CPXM2: variants seen among roughly 807,000 people sequenced by gnomAD.
The protein encoded by CPXM2 is inactive carboxypeptidase-like protein X2.
CPXM2 carries 66 observed loss-of-function variants against 86.1 expected under a neutral mutation model. The ratio of observed to expected loss-of-function variants is 0.77; its 90% CI spans 0.63 to 0.94. CPXM2 has a LOEUF of 0.94. Ranked by LOEUF, CPXM2 falls within the 40% of genes least tolerant of loss-of-function variation. The probability of loss-of-function intolerance (pLI) is 0.00; values close to 1 mark genes in which losing one functional copy is unlikely to be tolerated. For missense variants in CPXM2, 948 were observed against 1,026.3 expected, an observed-to-expected ratio of 0.92 and a Z score of 1.04; for synonymous variants, 388 against 400.2, an observed-to-expected ratio of 0.97 and a Z score of 0.36.
At chr10:123,857,611 TGG>T in intron 3 of CPXM2, among the ~76,000 whole-genome samples, 2 of 135,456 alleles carry the variant, frequency 1.5e-5, no homozygotes, top group South Asian at 5.5e-4. Flanking sequence ...GAAGGCGGCG[TGG>T]AGATGGAAGG....
chr10:123,911,126 T>C (rs1469577249), intron 2 of CPXM2, among the ~76,000 whole-genome samples: 2 of 152,230 alleles, frequency 1.3e-5, no homozygotes. Context: ...GTCACATTCA[T>C]AGATACTGGG....
intron 6 of CPXM2, among the ~76,000 whole-genome samples, chr10:123,780,873 A>G (rs73364738): frequency 0.041 from 6,298 of 152,260 alleles, 406 homozygotes; most frequent in African/African-American, 0.14. Flanking sequence ...TCTACTGGCC[A>G]CTGTAATTGA....
At chr10:123,884,714 ATCTC>A (rs147600222) in intron 1 of CPXM2, among the ~76,000 whole-genome samples, 2 of 151,838 alleles carry the variant, frequency 1.3e-5, no homozygotes, top group African/African-American at 4.8e-5. Context: ...CCCATGGCCC[ATCTC>A]TCTCTCTCTC....
chr10:123,830,350 T>C (rs1848138070), intron 4 of CPXM2, among the ~76,000 whole-genome samples: 1 of 152,192 alleles, frequency 6.6e-6, no homozygotes, highest in Admixed American at 6.5e-5. Context: ...CCTTGCTGGT[T>C]AGACCTTCTC....
chr10:123,887,290 T>C (rs1945193192), intron 1 of CPXM2: 1 of 152,122 alleles, frequency 6.6e-6, no homozygotes, highest in Non-Finnish European at 1.5e-5. Flanking sequence ...AATTCTCGGA[T>C]GGATGAGTGT....
chr10:123,799,539 C>T (rs1847407561), intron 4 of CPXM2, among the ~76,000 whole-genome samples: 1 of 152,240 alleles, frequency 6.6e-6, no homozygotes, highest in Non-Finnish European at 1.5e-5. Flanking sequence ...GTGTACGTAA[C>T]TGTTTGCACT....
chr10:123,799,147 A>G lies in CPXM2; in HGVS notation c.706T>C (p.Trp236Arg), dbSNP rs774146335. The G allele has an allele frequency of 1.2e-6, 2 of 1,614,196 alleles. No homozygotes were observed. The highest frequency in any genetic ancestry group is 2.2e-5 in the South Asian group (2 of 91,084). Residue 236 changes from tryptophan (W) to arginine (R), a missense_variant, in exon 5 of 14, where the codon TGG becomes CGG. Trp to Arg is a moderately radical substitution (Grantham distance 101). Transcript: ENST00000241305. ...CCAGATCCATTCTTAACAGTGACCC[A>G]CGTGTGGCTGTCATTGCTCACCATG... The part of the protein sequence containing the change: ...KVMVSNDSHT[W>R]VTVKNGSGDM...
rs1310223043 is a variant in CPXM2, at chr10:123,746,904, C to T, written c.2131G>A (p.Ala711Thr). 2.5e-6 allele frequency: 4 copies of T among 1,614,038 alleles called. No individual in the cohort carries two copies. Among genetic ancestry groups the T allele is most frequent in the Non-Finnish European group, 3.4e-6 (4 of 1,180,032 alleles). ...KNCMVGYDMG[A>T]TRCDFTLSKT... ...CTAAGTGTGAAGTCACACCTTGTGGCCCCCATGTCATAGCCAACCATACAG... is the reference window on the plus strand; with the variant it reads ...CTAAGTGTGAAGTCACACCTTGTGGTCCCCATGTCATAGCCAACCATACAG... Residue 711 changes from alanine to threonine, a missense_variant, in exon 14 of 14, where the codon GCC becomes ACC. Transcript: ENST00000241305.
intron 4 of CPXM2, among the ~76,000 whole-genome samples, chr10:123,838,379 G>A (rs1444591998): frequency 6.6e-6 from 1 of 152,146 alleles, no homozygotes; most frequent in Non-Finnish European, 1.5e-5. Context: ...ACTTGAACCT[G>A]GGAGGTGGAG....
Position 123,862,707 on chromosome 10 carries a change from A to G in CPXM2, c.420T>C (p.Gly140=). 6.3e-7 allele frequency: 1 copy of G among 1,596,414 alleles called. No individual in the cohort carries two copies. Among genetic ancestry groups the G allele is most frequent in the Non-Finnish European group, 8.5e-7 (1 of 1,175,772 alleles). ...EDVRESCPPL[G]LETLKITDFQ... ...AGTCTGTGATTTTTAAGGTTTCCAG[A>G]CCAAGAGGTGGGCAACCTGGAAAGG... Residue 140 remains glycine (G), a synonymous_variant, in exon 3 of 14, where the codon GGT becomes GGC. Transcript: ENST00000241305.
chr10:123,754,158 T>C lies in CPXM2; in HGVS notation c.2017+505A>G, dbSNP rs555258670. Among the ~76,000 whole-genome samples the C allele has an allele frequency of 1.3e-5, 2 of 152,314 alleles. No homozygotes were observed. The highest frequency in any genetic ancestry group is 1.9e-4 in the East Asian group (1 of 5,188). ...ATTTCCTGTGCTTTAATGGAAAAAG[T>C]GCATCCTCTCTGGCCAGTCCCAACC... On this transcript the variant is annotated intron_variant, in intron 13 of 13. Coordinates refer to ENST00000241305, the MANE Select transcript of CPXM2 (RefSeq NM_198148.3). The surrounding 1 kb of genome is among the most constrained non-coding windows in gnomAD (Gnocchi z 4.0).
intron 3 of CPXM2, among the ~76,000 whole-genome samples, chr10:123,850,105 C>G (rs139970751): frequency 4.1e-4 from 63 of 152,276 alleles, no homozygotes; most frequent in African/African-American, 1.4e-3. Context: ...CAATTGCATG[C>G]AGTAGTAATT....
chr10:123,836,940 T>C (rs1310611752), intron 4 of CPXM2, among the ~76,000 whole-genome samples: 1 of 144,928 alleles, frequency 6.9e-6, no homozygotes, highest in Non-Finnish European at 1.5e-5. Flanking sequence ...GGTGAGCCCC[T>C]GTCCCAGAGT....
chr10:123,820,841 C>CATGT (rs1847910432), intron 4 of CPXM2, among the ~76,000 whole-genome samples: 1 of 152,212 alleles, frequency 6.6e-6, no homozygotes, highest in Non-Finnish European at 1.5e-5. Flanking sequence ...CCTTTTAACC[C>CATGT]ATGTGATGAG....
chr10:123,862,268 G>A (rs1026388673), intron 3 of CPXM2, among the ~76,000 whole-genome samples: 1 of 152,202 alleles, frequency 6.6e-6, no homozygotes, highest in Non-Finnish European at 1.5e-5. Flanking sequence ...CCACTGCCTC[G>A]TGTGCCACGG....
intron 2 of CPXM2, among the ~76,000 whole-genome samples, chr10:123,923,535 C>T (rs898524168): frequency 6.0e-5 from 9 of 150,520 alleles, no homozygotes; most frequent in East Asian, 2.0e-4. Context: ...GAGCCGAGAT[C>T]GCGCCACTGC....
At chr10:123,757,445 A>G (rs2133979935) in intron 11 of CPXM2, 93 bp from the exon 12 acceptor site, 1 of 1,077,964 alleles carries the variant, frequency 9.3e-7, no homozygotes, top group East Asian at 2.4e-5. Context: ...GTTTAAGAAC[A>G]TTCGGAAGGC....
At chr10:123,908,296 A>T (rs1945460714) in intron 2 of CPXM2, among the ~76,000 whole-genome samples, 1 of 152,120 alleles carries the variant, frequency 6.6e-6, no homozygotes, top group Admixed American at 6.5e-5. Flanking sequence ...AAAGACTAGG[A>T]AGTGAGAACA....
chr10:123,929,447 T>C (rs933138413), intron 2 of CPXM2, among the ~76,000 whole-genome samples: 1 of 152,066 alleles, frequency 6.6e-6, no homozygotes, highest in Non-Finnish European at 1.5e-5. Flanking sequence ...AAAAGTGAAA[T>C]TGCAGAACAG....
Sources: gnomAD v4.1 joint callset for allele counts (sites outside exome capture counted in the v4.1 genomes callset) on GRCh38, gnomAD v4.1.1 for gene constraint, Gnocchi (gnomAD v3.1) non-coding constraint, MANE v1.5 for transcripts, NCBI Gene and HGNC (gene_info 2026-07-23, HGNC 2026-07-21) for gene names.